The following SHISA9 variants were observed in gnomAD, a reference collection of about 807,000 sequenced individuals.
SHISA9 encodes the protein protein shisa-9.
SHISA9 carries 13 observed loss-of-function variants against 38.0 expected under a neutral mutation model. The ratio of observed to expected loss-of-function variants is 0.34; its 90% CI spans 0.22 to 0.54. SHISA9 has a LOEUF of 0.54. SHISA9 is among the 20% of genes least tolerant of loss of function. The pLI, the probability that SHISA9 is intolerant of heterozygous loss-of-function variation, is 0.91. For synonymous variants in SHISA9, 275 were observed against 242.0 expected, an observed-to-expected ratio of 1.14 and a Z score of -1.27; for missense variants, 538 against 575.8, an observed-to-expected ratio of 0.93 and a Z score of 0.67.
At chr16:13,066,617 A>T (rs2073437950) in intron 2 of SHISA9, among the ~76,000 whole-genome samples, 1 of 152,180 alleles carries the variant, frequency 6.6e-6, no homozygotes, top group Non-Finnish European at 1.5e-5. Flanking sequence ...CACATTCTTT[A>T]TCTGTAAAAT....
chr16:12,903,952 T>C (rs892171725), intron 1 of SHISA9, among the ~76,000 whole-genome samples: 29 of 150,868 alleles, frequency 1.9e-4, no homozygotes, highest in South Asian at 4.2e-4. Context: ...TTTTTTTTTT[T>C]CCCCCAGAGA....
chr16:13,411,735 A>G, the SHISA9 span, among the ~76,000 whole-genome samples: 1 of 152,256 alleles, frequency 6.6e-6, no homozygotes, highest in East Asian at 1.9e-4. Context: ...TAAGTTACAC[A>G]AGACACTTCT....
the SHISA9 span, among the ~76,000 whole-genome samples, chr16:13,419,411 C>G: frequency 6.6e-6 from 1 of 152,192 alleles, no homozygotes; most frequent in Non-Finnish European, 1.5e-5. Context: ...TTTTGAAAGA[C>G]TTTTGGCTTT....
intron 2 of SHISA9, among the ~76,000 whole-genome samples, chr16:12,970,341 A>ATG (rs2072040895): frequency 1.1e-5 from 1 of 87,304 alleles, no homozygotes; most frequent in Non-Finnish European, 2.2e-5. Context: ...ATATATATAT[A>ATG]TACATATATG....
intron 2 of SHISA9, among the ~76,000 whole-genome samples, chr16:13,080,849 T>C (rs1469357748): frequency 6.6e-6 from 1 of 152,198 alleles, no homozygotes; most frequent in African/African-American, 2.4e-5. Flanking sequence ...CTCTGGAGAC[T>C]GGGAAGTCGA....
chr16:13,469,603 A>C, the SHISA9 span, among the ~76,000 whole-genome samples: 2 of 152,132 alleles, frequency 1.3e-5, no homozygotes, highest in African/African-American at 4.8e-5. Context: ...TCTTGTTCTC[A>C]AACCTTCTCC....
chr16:12,959,327 C>T (rs1394494103), intron 2 of SHISA9, among the ~76,000 whole-genome samples: 1 of 152,174 alleles, frequency 6.6e-6, no homozygotes, highest in African/African-American at 2.4e-5. Context: ...AGGAAAGATC[C>T]ATTAGCTAAT....
At chr16:13,404,705 A>G in the SHISA9 span, among the ~76,000 whole-genome samples, 107 of 152,196 alleles carry the variant, frequency 7.0e-4, 1 homozygote, top group Non-Finnish European at 1.2e-3. Flanking sequence ...GAGATTCTGT[A>G]ATTGTCTTTA....
chr16:13,055,143 G>A (rs1459063310), intron 2 of SHISA9, among the ~76,000 whole-genome samples: 1 of 152,124 alleles, frequency 6.6e-6, no homozygotes, highest in Non-Finnish European at 1.5e-5. Context: ...AAGCCCTTCA[G>A]TTGTATTATT....
At chr16:13,527,287 T>C in the SHISA9 span, among the ~76,000 whole-genome samples, 4 of 152,222 alleles carry the variant, frequency 2.6e-5, no homozygotes, top group South Asian at 2.1e-4. Context: ...TCAGCGTTTT[T>C]GGAGAACGCC....
At chr16:13,050,862 G>A (rs764496963) in intron 2 of SHISA9, among the ~76,000 whole-genome samples, 37 of 152,150 alleles carry the variant, frequency 2.4e-4, no homozygotes, top group Non-Finnish European at 4.7e-4. Flanking sequence ...GGTCCACCAG[G>A]AAAATCTCAA....
At position 13,041,481 on chromosome 16, in the gene SHISA9, G is replaced by A. The variant is rs554493244; in HGVS notation, c.691+124666G>A. ...CTGTTCTATTCCCTGTTGGAGCCACGTATCCCCTGATATGGCTTCTGTAGA... is the reference window on the plus strand; with the variant it reads ...CTGTTCTATTCCCTGTTGGAGCCACATATCCCCTGATATGGCTTCTGTAGA... On this transcript the variant is annotated intron_variant, in intron 2 of 4. Coordinates refer to ENST00000558583, the MANE Select transcript of SHISA9 (RefSeq NM_001145204.3). Among the ~76,000 whole-genome samples, 7 of 152,278 alleles carry A rather than the reference G, an allele frequency of 4.6e-5. No homozygotes were observed. The South Asian group carries it at 6.2e-4, about 14-fold the overall frequency.
At chr16:13,007,067 G>T (rs1249402529) in intron 2 of SHISA9, among the ~76,000 whole-genome samples, 2 of 152,204 alleles carry the variant, frequency 1.3e-5, no homozygotes. Context: ...GATATCTATG[G>T]ATTCTATTCA....
intron 4 of SHISA9, among the ~76,000 whole-genome samples, chr16:13,215,968 C>T (rs2142068113): frequency 6.6e-6 from 1 of 152,202 alleles, no homozygotes; most frequent in African/African-American, 2.4e-5. Context: ...GGGCAGATCA[C>T]CTGAGGTCAG....
At chr16:13,547,168 T>A in the SHISA9 span, among the ~76,000 whole-genome samples, 1,487 of 152,324 alleles carry the variant, frequency 9.8e-3, 19 homozygotes, top group Non-Finnish European at 0.014. Flanking sequence ...TTATTGAATA[T>A]CTACTATGTG....
chr16:13,203,582 C>G, intron 3 of SHISA9, 33 bp downstream of exon 3: 1 of 1,440,352 alleles, frequency 6.9e-7, no homozygotes, highest in Non-Finnish European at 9.2e-7. Flanking sequence ...TTTTCTCTTT[C>G]TCCTCTTCGC....
chr16:12,977,016 C>T (rs538185563), intron 2 of SHISA9, among the ~76,000 whole-genome samples: 2 of 152,100 alleles, frequency 1.3e-5, no homozygotes, highest in Non-Finnish European at 2.9e-5. Flanking sequence ...GGGAGCAGTG[C>T]GAGCAGAGAA....
chr16:13,320,035 G>A, the SHISA9 span, among the ~76,000 whole-genome samples: 62 of 151,888 alleles, frequency 4.1e-4, no homozygotes, highest in African/African-American at 1.4e-3. Flanking sequence ...GCTCGCACCC[G>A]TAATCCAAGC....
At chr16:13,548,893 G>T in the SHISA9 span, among the ~76,000 whole-genome samples, 2 of 152,118 alleles carry the variant, frequency 1.3e-5, no homozygotes, top group African/African-American at 4.8e-5. Flanking sequence ...ATGAAGGTAT[G>T]AAAGATATAG....
Sources: allele counts gnomAD v4.1 joint callset (sites outside exome capture counted in the v4.1 genomes callset), GRCh38; gene constraint gnomAD v4.1.1; transcripts MANE v1.5; gene names NCBI Gene and HGNC (gene_info 2026-07-23, HGNC 2026-07-21).